The following RPS6KA2 variants were observed in gnomAD, a reference collection of about 807,000 sequenced individuals.
RPS6KA2 encodes the protein ribosomal protein S6 kinase alpha-2.
In RPS6KA2, 42 loss-of-function variants were observed where a neutral mutation model predicts 91.8. That is an observed-to-expected ratio of 0.46 (90% CI 0.36 to 0.59). The LOEUF is 0.59. Ranked by LOEUF, RPS6KA2 falls within the 20% of genes least tolerant of loss-of-function variation. The pLI, the probability that RPS6KA2 is intolerant of heterozygous loss-of-function variation, is 0.00. For synonymous variants in RPS6KA2, 414 were observed against 393.6 expected (o/e 1.05, Z -0.61); for missense variants, 798 against 978.5 (o/e 0.82, Z 2.46).
chr6:166,465,941 G>A (rs934003623), intron 11 of RPS6KA2, among the ~76,000 whole-genome samples: 3 of 152,342 alleles, frequency 2.0e-5, no homozygotes, highest in African/African-American at 7.2e-5. Flanking sequence ...CTCACGGGCT[G>A]TGTGGGTTCA....
At chr6:166,815,809 A>C (rs1317819725) in intron 2 of RPS6KA2, among the ~76,000 whole-genome samples, 11 of 152,196 alleles carry the variant, frequency 7.2e-5, no homozygotes, top group Admixed American at 6.5e-5. Flanking sequence ...TGGAGAGGAG[A>C]GTTTCAGTAC....
At chr6:166,748,424 C>A (rs1242784880) in intron 2 of RPS6KA2, among the ~76,000 whole-genome samples, 2 of 152,138 alleles carry the variant, frequency 1.3e-5, no homozygotes, top group Non-Finnish European at 2.9e-5. Context: ...CCATCTGATC[C>A]TGGCCACAGG....
chr6:166,582,803 G>A (rs1332043821), intron 1 of RPS6KA2, among the ~76,000 whole-genome samples: 1 of 152,170 alleles, frequency 6.6e-6, no homozygotes, highest in East Asian at 1.9e-4. Context: ...CATCCAATGT[G>A]CAGAGGAAGA....
chr6:166,707,766 TCTTA>T (rs1435672026), intron 2 of RPS6KA2, among the ~76,000 whole-genome samples: 1 of 152,056 alleles, frequency 6.6e-6, no homozygotes, highest in African/African-American at 2.4e-5. Flanking sequence ...TTTTTCAGGG[TCTTA>T]CTTTGTTGCC....
At chr6:166,618,833 G>A (rs1435504294) in intron 1 of RPS6KA2, among the ~76,000 whole-genome samples, 2 of 152,226 alleles carry the variant, frequency 1.3e-5, no homozygotes, top group African/African-American at 2.4e-5. Flanking sequence ...GCTGTCATGA[G>A]CCTTGACACC....
At chr6:166,703,499 T>C (rs1789591343) in intron 2 of RPS6KA2, among the ~76,000 whole-genome samples, 1 of 152,360 alleles carries the variant, frequency 6.6e-6, no homozygotes, top group African/African-American at 2.4e-5. Flanking sequence ...ATCAGTCAGA[T>C]AGAGATACCG....
chr6:166,573,995 A>G (rs1028233193), intron 1 of RPS6KA2, among the ~76,000 whole-genome samples: 1 of 152,152 alleles, frequency 6.6e-6, no homozygotes, highest in East Asian at 1.9e-4. Flanking sequence ...CTAACAGCTC[A>G]CAATAAACCA....
Position 166,549,791 on chromosome 6 carries a change from G to T in RPS6KA2, c.100-11007C>A, listed in dbSNP as rs539288747. Among the ~76,000 whole-genome samples the T allele has an allele frequency of 2.0e-4, 30 of 152,224 alleles. 1 individual carries two copies. The highest frequency in any genetic ancestry group is 2.0e-3 in the Admixed American group (30 of 15,282). ...GCAGAGAACTCATATACACACACACGAGTACACGTAAAACTGGTAAAATAC... is the reference window on the plus strand; with the variant it reads ...GCAGAGAACTCATATACACACACACTAGTACACGTAAAACTGGTAAAATAC... On this transcript the variant is annotated intron_variant, in intron 1 of 20. Transcript: ENST00000265678.
intron 2 of RPS6KA2, among the ~76,000 whole-genome samples, chr6:166,640,770 T>A (rs1787405028): frequency 6.8e-6 from 1 of 146,902 alleles, no homozygotes; most frequent in African/African-American, 2.5e-5. Flanking sequence ...CTTATGTGAG[T>A]CTCTGCCATC....
At chr6:166,442,459 G>A (rs1779550482) in intron 14 of RPS6KA2, among the ~76,000 whole-genome samples, 1 of 152,208 alleles carries the variant, frequency 6.6e-6, no homozygotes, top group African/African-American at 2.4e-5. Context: ...CCCTCATGGG[G>A]ATAATGAAAA....
intron 11 of RPS6KA2, chr6:166,463,517 A>G (rs977196900): frequency 5.9e-5 from 9 of 152,182 alleles, no homozygotes; most frequent in Admixed American, 5.9e-4. Context: ...GCTGAAACGA[A>G]TTTCACGGGA....
intron 3 of RPS6KA2, among the ~76,000 whole-genome samples, chr6:166,510,818 T>A (rs1313415283): frequency 6.6e-6 from 1 of 151,778 alleles, no homozygotes; most frequent in Non-Finnish European, 1.5e-5. Flanking sequence ...CGACCTAGGA[T>A]CCAGTTCAAT....
At chr6:166,713,734 C>T (rs1036428780) in intron 2 of RPS6KA2, among the ~76,000 whole-genome samples, 3 of 152,150 alleles carry the variant, frequency 2.0e-5, no homozygotes, top group African/African-American at 7.2e-5. Context: ...CACAAAACTG[C>T]GCTTTGTGAA....
rs946857493 is a variant in RPS6KA2, at chr6:166,767,420, G to A, written c.123+90780C>T. Among the ~76,000 whole-genome samples the A allele has an allele frequency of 4.6e-5, 7 of 152,084 alleles. No individual in the cohort carries two copies. Among genetic ancestry groups the A allele is most frequent in the African/African-American group, 1.2e-4 (5 of 41,496 alleles). ...ATCAATGCGGTCCAGAGGTGAAAGCGTGGTTAGAGGAAGACAAAAAGGACA... is the reference window on the plus strand; with the variant it reads ...ATCAATGCGGTCCAGAGGTGAAAGCATGGTTAGAGGAAGACAAAAAGGACA... On this transcript the variant is annotated intron_variant, in intron 2 of 21. Coordinates refer to the RPS6KA2 transcript ENST00000503859. The surrounding 1 kb of genome is among the most constrained non-coding windows in gnomAD (Gnocchi z 4.6).
At chr6:166,713,075 T>C (rs1789913226) in intron 2 of RPS6KA2, among the ~76,000 whole-genome samples, 1 of 152,214 alleles carries the variant, frequency 6.6e-6, no homozygotes, top group Admixed American at 6.5e-5. Flanking sequence ...TCCTTCCCCA[T>C]GCTTCTTCCC....
intron 1 of RPS6KA2, among the ~76,000 whole-genome samples, chr6:166,543,806 C>A (rs1354787945): frequency 6.6e-6 from 1 of 152,258 alleles, no homozygotes; most frequent in East Asian, 1.9e-4. Flanking sequence ...TCACAGGCAA[C>A]TGTCCTGAGT....
chr6:166,490,703 C>T lies in RPS6KA2; in HGVS notation c.786G>A (p.Lys262=). ...MLTGSLPFQG[K]DRKETMALIL... ...TGAGAGCCATGGTCTCCTTCCTGTC[C>T]TTCCCCTGGAACGGCAGGGACCCCG... The change falls in exon 9 of 21, where the codon AAG becomes AAA. Residue 262 remains lysine, a synonymous_variant. Transcript: ENST00000265678. The surrounding 1 kb of genome is among the most constrained non-coding windows in gnomAD (Gnocchi z 4.2). 6.2e-7 allele frequency: 1 copy of T among 1,612,946 alleles called. No homozygotes were observed. Among genetic ancestry groups the T allele is most frequent in the South Asian group, 1.1e-5 (1 of 90,754 alleles).
At chr6:166,741,826 G>A (rs1790823811) in intron 2 of RPS6KA2, among the ~76,000 whole-genome samples, 1 of 152,180 alleles carries the variant, frequency 6.6e-6, no homozygotes, top group Non-Finnish European at 1.5e-5. Context: ...AGCCCTGACA[G>A]CTGCCTCAAG....
intron 2 of RPS6KA2, among the ~76,000 whole-genome samples, chr6:166,673,654 C>T (rs560453916): frequency 2.6e-5 from 4 of 152,216 alleles, no homozygotes; most frequent in South Asian, 2.1e-4. Flanking sequence ...AGCCTGCAGG[C>T]GGCACGCAGC....
Sources: allele counts gnomAD v4.1 joint callset (sites outside exome capture counted in the v4.1 genomes callset), GRCh38; gene constraint gnomAD v4.1.1; non-coding constraint Gnocchi (gnomAD v3.1); transcripts MANE v1.5; gene names NCBI Gene and HGNC (gene_info 2026-07-23, HGNC 2026-07-21).